NECTIN3: variants seen among roughly 807,000 people sequenced by gnomAD.
NECTIN3 encodes the protein nectin cell adhesion molecule 3.
In NECTIN3, 8 loss-of-function variants were observed where a neutral mutation model predicts 49.4. The ratio of observed to expected loss-of-function variants is 0.16; its 90% CI spans 0.10 to 0.29. The LOEUF (loss-of-function observed/expected upper bound fraction) is 0.29. NECTIN3 is among the 10% of genes least tolerant of loss of function. The pLI, the probability that NECTIN3 is intolerant of heterozygous loss-of-function variation, is 1.00. For missense variants in NECTIN3, 581 were observed against 654.6 expected, an observed-to-expected ratio of 0.89 and a Z score of 1.23; for synonymous variants, 277 against 241.1, an observed-to-expected ratio of 1.15 and a Z score of -1.38.
At chr3:111,158,602 A>G (rs1220442314) in intron 7 of NECTIN3, among the ~76,000 whole-genome samples, 1 of 152,162 alleles carries the variant, frequency 6.6e-6, no homozygotes, top group African/African-American at 2.4e-5. Flanking sequence ...AGGTAGTTAC[A>G]AAGTTGAATA....
At chr3:111,077,211 T>C in intron 1 of NECTIN3, 1 of 444,300 alleles carries the variant, frequency 2.3e-6, no homozygotes. Flanking sequence ...TTGTTTTTCT[T>C]GCAAGACTAT....
chr3:111,180,471 A>G (rs2035606642), intron 7 of NECTIN3, among the ~76,000 whole-genome samples: 1 of 152,256 alleles, frequency 6.6e-6, no homozygotes, highest in Non-Finnish European at 1.5e-5. Context: ...TTGCCTGATT[A>G]GTGTACAATC....
At chr3:111,106,802 T>G (rs777534377) in intron 1 of NECTIN3, among the ~76,000 whole-genome samples, 5 of 152,256 alleles carry the variant, frequency 3.3e-5, no homozygotes, top group Non-Finnish European at 7.4e-5. Context: ...AAGGTGGTGT[T>G]TAGTTGAACA....
At chr3:111,144,973 A>T in exon 6 of NECTIN3, 1 of 1,536,324 alleles carries the variant, frequency 6.5e-7, no homozygotes, top group Non-Finnish European at 8.7e-7. Flanking sequence ...CCTTTTCATC[A>T]TTGCTATCTT....
chr3:111,137,006 T>G lies in NECTIN3; in HGVS notation c.*2791T>G, dbSNP rs925665714. 3 of 975,824 alleles carry G rather than the reference T, an allele frequency of 3.1e-6. No individual in the cohort carries two copies. The highest frequency in any genetic ancestry group is 3.7e-6 in the Non-Finnish European group (3 of 821,390). 60.4% of individuals were successfully genotyped at this position (975,824 alleles called of 1,614,324 possible). A position where few individuals can be genotyped will look rare whatever the true frequency, so the allele number is the denominator to read the frequency against. Reference sequence around the variant, plus strand: ...AGGAAACTATTAAGGTTTTCAGTAGTAAGTGTTGCTTCTAATAGCCATATA... The same window carrying G: ...AGGAAACTATTAAGGTTTTCAGTAGGAAGTGTTGCTTCTAATAGCCATATA... On this transcript the variant is annotated 3_prime_UTR_variant, in exon 6 of 6. Transcript: ENST00000485303.
intron 1 of NECTIN3, among the ~76,000 whole-genome samples, chr3:111,192,866 C>G (rs2035837824): frequency 6.6e-6 from 1 of 152,112 alleles, no homozygotes; most frequent in Non-Finnish European, 1.5e-5. Flanking sequence ...CAAGCTTGAG[C>G]CTTGCTTAAG....
Position 111,118,702 on chromosome 3 carries a change from T to C in NECTIN3, c.549T>C (p.Asp183=). ...SLIKGPDSLI[D]GGNETVAAIC... ...TAAAAGGGCCAGATTCTTTAATTGA[T>C]GGAGGAAATGAAACAGTAGCAGCCA... Residue 183 remains aspartate (D), a synonymous_variant, in exon 3 of 6, where the codon GAT becomes GAC. Transcript: ENST00000485303. 1 of 1,613,262 alleles carries C rather than the reference T, an allele frequency of 6.2e-7. No individual in the cohort carries two copies. Among genetic ancestry groups the C allele is most frequent in the Non-Finnish European group, 8.5e-7 (1 of 1,179,502 alleles).
intron 5 of NECTIN3, among the ~76,000 whole-genome samples, chr3:111,144,137 A>G (rs2399375): frequency 0.29 from 44,467 of 151,810 alleles, 12,160 homozygotes; most frequent in African/African-American, 0.7. Context: ...ATAAAATTGT[A>G]ATTCAATTTT....
chr3:111,173,040 C>T (rs183297293), intron 7 of NECTIN3, among the ~76,000 whole-genome samples: 12 of 152,278 alleles, frequency 7.9e-5, no homozygotes, highest in Admixed American at 6.5e-4. Context: ...AGAAACAGGG[C>T]TACAATCAAA....
upstream of NECTIN3, among the ~76,000 whole-genome samples, chr3:111,187,873 T>C (rs2107536607): frequency 6.6e-6 from 1 of 152,332 alleles, no homozygotes; most frequent in Non-Finnish European, 1.5e-5. Context: ...GATCGTGTCA[T>C]GATCCATTTG....
downstream of NECTIN3, among the ~76,000 whole-genome samples, chr3:111,140,217 T>C (rs143150925): frequency 9.2e-5 from 14 of 152,040 alleles, no homozygotes; most frequent in South Asian, 1.9e-3. Context: ...GTTCTAGATA[T>C]TTGGTTGTTC....
intron 7 of NECTIN3, among the ~76,000 whole-genome samples, chr3:111,158,019 T>C (rs182889964): frequency 4.1e-4 from 62 of 152,214 alleles, no homozygotes; most frequent in Middle Eastern, 3.4e-3. Flanking sequence ...CCACATAACA[T>C]TGAATTTAAA....
intron 1 of NECTIN3, among the ~76,000 whole-genome samples, chr3:111,076,102 T>C (rs2031176210): frequency 6.6e-6 from 1 of 152,146 alleles, no homozygotes; most frequent in Non-Finnish European, 1.5e-5. Flanking sequence ...TTGTGTTTAT[T>C]ATATATATTT....
chr3:111,134,057 G>A lies in NECTIN3; in HGVS notation c.1492G>A (p.Val498Ile), dbSNP rs376458207. 3 of 1,613,546 alleles carry A rather than the reference G, an allele frequency of 1.9e-6. No individual in the cohort carries two copies. The highest frequency in any genetic ancestry group is 1.1e-5 in the South Asian group (1 of 91,034). The change falls in exon 6 of 6, where the codon GTA (valine) becomes ATA (isoleucine). Residue 498 changes from valine (V) to isoleucine (I), a missense_variant. Physicochemically the swap from Val to Ile is conservative, Grantham distance 29. Transcript: ENST00000485303. ...GCCTGAAAAAACTCAGTGGAACAATGTAGAAAATCTCAATAGGTTTGAAAG... is the reference window on the plus strand; with the variant it reads ...GCCTGAAAAAACTCAGTGGAACAATATAGAAAATCTCAATAGGTTTGAAAG... ...EEPEKTQWNN[V>I]ENLNRFERPM...
At chr3:111,098,522 C>A (rs767015566) in intron 1 of NECTIN3, among the ~76,000 whole-genome samples, 1 of 152,144 alleles carries the variant, frequency 6.6e-6, no homozygotes, top group Admixed American at 6.6e-5. Context: ...CTTTACATGG[C>A]CTTCTCATCT....
chr3:111,098,799 G>T (rs1018272851), intron 1 of NECTIN3, among the ~76,000 whole-genome samples: 23 of 151,802 alleles, frequency 1.5e-4, no homozygotes, highest in African/African-American at 5.1e-4. Context: ...TTTTCAACCT[G>T]CAATATTCTG....
At chr3:111,104,871 A>G (rs2033100663) in intron 1 of NECTIN3, among the ~76,000 whole-genome samples, 2 of 152,154 alleles carry the variant, frequency 1.3e-5, no homozygotes. Flanking sequence ...GCATTTCTAG[A>G]TAAATTTTAG....
intron 7 of NECTIN3, among the ~76,000 whole-genome samples, chr3:111,151,825 A>G (rs1360732115): frequency 6.6e-6 from 1 of 151,892 alleles, no homozygotes. Flanking sequence ...GATAATACAT[A>G]CAAAACAATA....
intron 7 of NECTIN3, among the ~76,000 whole-genome samples, chr3:111,178,443 C>A (rs2035569745): frequency 6.6e-6 from 1 of 151,894 alleles, no homozygotes; most frequent in African/African-American, 2.4e-5. Context: ...GGGGAAATAC[C>A]CTCCTCATAA....
Sources: gnomAD v4.1 joint callset for allele counts (sites outside exome capture counted in the v4.1 genomes callset) on GRCh38, gnomAD v4.1.1 for gene constraint, MANE v1.5 for transcripts, NCBI Gene and HGNC (gene_info 2026-07-23, HGNC 2026-07-21) for gene names.